Variants in CLK4 observed in about 807,000 individuals in gnomAD.
CLK4 encodes the protein CDC like kinase 4.
Under a neutral mutation model 64.4 loss-of-function variants are expected in CLK4, and 37 were observed. The ratio of observed to expected loss-of-function variants is 0.57; its 90% CI spans 0.44 to 0.76. The LOEUF (loss-of-function observed/expected upper bound fraction) is 0.76. CLK4 is among the 30% of genes least tolerant of loss of function. The pLI is 0.00. For synonymous variants in CLK4, 175 were observed against 191.6 expected (o/e 0.91, Z 0.72); for missense variants, 457 against 605.1 (o/e 0.76, Z 2.57).
chr5:178,618,892 T>C, intron 2 of CLK4, 114 bp from the exon 3 acceptor site: 1 of 715,658 alleles, frequency 1.4e-6, no homozygotes, highest in Non-Finnish European at 2.3e-6. Flanking sequence ...AGAAAAAAAT[T>C]CAAACAGATG....
chr5:178,610,289 C>CA (rs772706129), intron 9 of CLK4, among the ~76,000 whole-genome samples: 186 of 134,242 alleles, frequency 1.4e-3, no homozygotes, highest in African/African-American at 2.0e-3. Flanking sequence ...GACTGCGTCT[C>CA]AAAAAAAAAA....
At chr5:178,620,615 C>T (rs1477026479) in intron 2 of CLK4, 1 of 455,936 alleles carries the variant, frequency 2.2e-6, no homozygotes, top group African/African-American at 2.0e-5. Context: ...TCACTATAGC[C>T]TTTCAAATAG....
At chr5:178,610,212 C>T (rs1474509742) in intron 9 of CLK4, among the ~76,000 whole-genome samples, 2 of 151,952 alleles carry the variant, frequency 1.3e-5, no homozygotes, top group African/African-American at 4.8e-5. Context: ...ATCGCTTGAA[C>T]CCGGGAGGCA....
intron 10 of CLK4, among the ~76,000 whole-genome samples, chr5:178,607,751 C>G (rs1421655947): frequency 6.6e-6 from 1 of 151,924 alleles, no homozygotes; most frequent in African/African-American, 2.4e-5. Flanking sequence ...ACCTCATGAT[C>G]CACCCACCTC....
intron 8 of CLK4, 100 bp downstream of exon 8, chr5:178,612,696 G>A (rs1470643379): frequency 9.4e-7 from 1 of 1,062,582 alleles, no homozygotes; most frequent in African/African-American, 1.6e-5. Flanking sequence ...TAAACAACAG[G>A]ATATAATAAG....
At chr5:178,613,250 T>A (rs913676633) in intron 7 of CLK4, among the ~76,000 whole-genome samples, 1 of 152,128 alleles carries the variant, frequency 6.6e-6, no homozygotes, top group Non-Finnish European at 1.5e-5. Context: ...TGAAATCCCA[T>A]CTCTACTAAA....
In CLK4 at chr5:178,603,829, T is replaced by C; in HGVS notation, c.1305+15A>G. On this transcript the variant is annotated intron_variant, in intron 12 of 12. Coordinates refer to ENST00000316308, the MANE Select transcript of CLK4 (RefSeq NM_020666.3). The stretch of plus-strand genomic sequence containing the variant: ...AACACGTGGTTTATTTAACCTTTAA[T>C]CTTTTTTCTTTTACCTTCAACGGTT... The C allele has an allele frequency of 1.3e-6, 2 of 1,596,750 alleles. No homozygotes were observed. Among genetic ancestry groups the C allele is most frequent in the Middle Eastern group, 1.7e-4 (1 of 5,898 alleles).
intron 9 of CLK4, among the ~76,000 whole-genome samples, chr5:178,611,799 G>C (rs1224276924): frequency 6.6e-6 from 1 of 152,228 alleles, no homozygotes; most frequent in African/African-American, 2.4e-5. Flanking sequence ...TGATATGCCT[G>C]ATCTGAATGT....
chr5:178,616,633 T>C (rs1191673467), intron 5 of CLK4, among the ~76,000 whole-genome samples: 1 of 151,820 alleles, frequency 6.6e-6, no homozygotes, highest in Non-Finnish European at 1.5e-5. Context: ...CCATCTCTAT[T>C]AAAAATACAA....
At chr5:178,626,541 C>T (rs1001875167) in intron 1 of CLK4, among the ~76,000 whole-genome samples, 1 of 152,246 alleles carries the variant, frequency 6.6e-6, no homozygotes, top group South Asian at 2.1e-4. Context: ...ACGCTACAAA[C>T]GGCCCAGGCC....
chr5:178,614,687 T>C (rs1199732989), intron 5 of CLK4, among the ~76,000 whole-genome samples: 1 of 152,168 alleles, frequency 6.6e-6, no homozygotes, highest in Non-Finnish European at 1.5e-5. Context: ...TATAAAAACA[T>C]TTGGGGCAAA....
At position 178,613,419 on chromosome 5, in the gene CLK4, AAAAT is replaced by A. The variant is rs371797215; in HGVS notation, c.826+50_826+53del. The stretch of plus-strand genomic sequence containing the variant: ...GGGTGACAGAGCGAGACTCCGTCTC[AAAAT>A]AAATAAATAAATAAATAAATAAAAA... On this transcript the variant is annotated intron_variant, in intron 7 of 12. Transcript: ENST00000316308. The A allele has an allele frequency of 7.0e-3, 8,267 of 1,188,230 alleles. 301 individuals are homozygous for A. In the African/African-American group the frequency reaches 0.098, roughly 14 times the overall value. 73.6% of individuals were successfully genotyped at this position (1,188,230 alleles called of 1,614,324 possible).
At chr5:178,607,070 T>C (rs1024135977) in intron 10 of CLK4, among the ~76,000 whole-genome samples, 3 of 151,864 alleles carry the variant, frequency 2.0e-5, no homozygotes, top group African/African-American at 4.8e-5. Flanking sequence ...GGACTTTTTA[T>C]TTTTAAAAGC....
At chr5:178,605,192 AGTC>A in intron 11 of CLK4, 108 bp downstream of exon 11, 1 of 544,164 alleles carries the variant, frequency 1.8e-6, no homozygotes, top group African/African-American at 2.0e-5. Flanking sequence ...AAAAAAAAAA[AGTC>A]AAAATCTATA....
At chr5:178,626,801 G>C (rs755793504) in intron 1 of CLK4, 145 bp downstream of exon 1, 1 of 152,516 alleles carries the variant, frequency 6.6e-6, no homozygotes, top group Admixed American at 6.5e-5. Flanking sequence ...TGCTGCCGGC[G>C]TGCACCAGCC....
chr5:178,612,687 A>G (rs886892167), intron 8 of CLK4, 109 bp downstream of exon 8: 10 of 1,079,350 alleles, frequency 9.3e-6, no homozygotes, highest in Admixed American at 2.2e-5. Flanking sequence ...CTTTTTGGTT[A>G]AACAACAGGA....
chr5:178,626,000 A>C (rs1454237109), intron 1 of CLK4, among the ~76,000 whole-genome samples: 2 of 152,254 alleles, frequency 1.3e-5, no homozygotes, highest in Non-Finnish European at 2.9e-5. Context: ...GTATCTTTCA[A>C]AAAATAATGA....
At chr5:178,608,103 T>A (rs2113801328) in intron 10 of CLK4, among the ~76,000 whole-genome samples, 1 of 152,330 alleles carries the variant, frequency 6.6e-6, no homozygotes, top group South Asian at 2.1e-4. Flanking sequence ...TGCAAATTTA[T>A]GAAGAAGCTC....
At position 178,616,895 on chromosome 5, in the gene CLK4, T is replaced by G. The variant is rs762488553; in HGVS notation, c.529A>C (p.Ile177Leu). Residue 177 changes from isoleucine to leucine, a missense_variant, in exon 5 of 13, where the codon ATT becomes CTT. Ile to Leu is a conservative substitution (Grantham distance 5). Transcript: ENST00000316308. Reference protein sequence around the residue: ...EGAFGKVVECIDHGMDGMHVA... With the variant: ...EGAFGKVVECLDHGMDGMHVA... ...AAACAAACTTACATGCCATGATCAA[T>G]GCACTCTACAACTTTGCCAAAGGCT... The G allele has an allele frequency of 6.8e-6, 11 of 1,613,024 alleles. No homozygotes were observed. Among genetic ancestry groups the G allele is most frequent in the Non-Finnish European group, 9.3e-6 (11 of 1,179,102 alleles).
Sources: allele counts gnomAD v4.1 joint callset (sites outside exome capture counted in the v4.1 genomes callset), GRCh38; gene constraint gnomAD v4.1.1; transcripts MANE v1.5; gene names NCBI Gene and HGNC (gene_info 2026-07-23, HGNC 2026-07-21).